The following CHD1L variants were observed in gnomAD, a reference collection of about 807,000 sequenced individuals.
CHD1L encodes chromodomain helicase DNA binding protein 1 like.
Under a neutral mutation model 115.9 loss-of-function variants are expected in CHD1L, and 118 were observed. That is an observed-to-expected ratio of 1.02 (90% confidence interval 0.88 to 1.19). CHD1L has a LOEUF of 1.19. Ranked by LOEUF, CHD1L falls within the 50% of genes most tolerant of loss-of-function variation. CHD1L has a pLI of 0.00. For missense variants in CHD1L, 1,179 were observed against 1,065.3 expected, an observed-to-expected ratio of 1.11 and a Z score of -1.49; for synonymous variants, 411 against 387.1, an observed-to-expected ratio of 1.06 and a Z score of -0.72.
chr1:147,223,805 C>A, the CHD1L span: 1 of 274,798 alleles, frequency 3.6e-6, no homozygotes, highest in Non-Finnish European at 7.1e-6. Flanking sequence ...ACCAGTTCAC[C>A]CAGGCTTCGC....
At chr1:147,208,213 G>C in the CHD1L span, among the ~76,000 whole-genome samples, 4 of 152,056 alleles carry the variant, frequency 2.6e-5, no homozygotes, top group Admixed American at 2.6e-4. Flanking sequence ...TATGATGCCT[G>C]GCTCATAACA....
chr1:147,196,335 T>C, the CHD1L span, among the ~76,000 whole-genome samples: 1 of 152,132 alleles, frequency 6.6e-6, no homozygotes, highest in Non-Finnish European at 1.5e-5. Flanking sequence ...CATTTAAGCT[T>C]AATCATAGGT....
the CHD1L span, chr1:147,225,668 AG>A: frequency 6.5e-6 from 1 of 152,936 alleles, no homozygotes; most frequent in Non-Finnish European, 1.5e-5. Flanking sequence ...TTCCTAGTGA[AG>A]GGAAAACTGT....
the CHD1L span, among the ~76,000 whole-genome samples, chr1:147,233,309 C>A: frequency 6.6e-6 from 1 of 152,002 alleles, no homozygotes; most frequent in African/African-American, 2.4e-5. Context: ...CCAGCAGCCA[C>A]CCCATCCAGG....
chr1:147,295,400 G>A (rs781812065), intron 22 of CHD1L, 31 bp from the exon 23 acceptor site: 6 of 1,474,728 alleles, frequency 4.1e-6, no homozygotes, highest in South Asian at 2.3e-5. Flanking sequence ...TTAAAGTGAT[G>A]ACATGTATCT....
At chr1:147,254,742 C>T (rs757766872) in intron 2 of CHD1L, 128 bp from the exon 3 acceptor site, 23 of 555,396 alleles carry the variant, frequency 4.1e-5, no homozygotes, top group Non-Finnish European at 6.5e-5. Flanking sequence ...TGCGGAAGTT[C>T]GTACAATATT....
chr1:147,209,346 G>A, the CHD1L span, among the ~76,000 whole-genome samples: 1 of 148,654 alleles, frequency 6.7e-6, no homozygotes, highest in Non-Finnish European at 1.5e-5. Flanking sequence ...GCTGAGGCAG[G>A]AGAATGGCGT....
rs375685901 is a variant in CHD1L, at chr1:147,280,062, C to A, written c.1576C>A (p.Leu526Met). The change falls in exon 15 of 23, where the codon CTG (leucine) becomes ATG (methionine). Residue 526 changes from leucine to methionine, a missense_variant. Transcript: ENST00000369258. The part of the protein sequence containing the change: ...EILKFGLDKL[L>M]ASEGSTMDEI... ...ACTCAAATTTGGTTTGGATAAACTGCTGGCCTCTGAGGGGAGCACCATGGA... is the reference window on the plus strand; with the variant it reads ...ACTCAAATTTGGTTTGGATAAACTGATGGCCTCTGAGGGGAGCACCATGGA... 6.2e-7 allele frequency: 1 copy of A among 1,614,044 alleles called. No homozygotes were observed. Among genetic ancestry groups the A allele is most frequent in the Non-Finnish European group, 8.5e-7 (1 of 1,180,000 alleles).
chr1:147,275,330 C>T (rs375472331), intron 12 of CHD1L, 24 bp from the exon 13 acceptor site: 146 of 1,555,474 alleles, frequency 9.4e-5, no homozygotes, highest in Non-Finnish European at 1.3e-4. Context: ...CTGCTGATTA[C>T]ATTCCTTTTT....
chr1:147,200,572 A>C, the CHD1L span, among the ~76,000 whole-genome samples: 7 of 131,402 alleles, frequency 5.3e-5, no homozygotes, highest in East Asian at 1.4e-3. Context: ...CATTCTACTG[A>C]CTCATATGAA....
chr1:147,292,301 G>C (rs1439345314), intron 20 of CHD1L, among the ~76,000 whole-genome samples: 7 of 152,198 alleles, frequency 4.6e-5, no homozygotes, highest in Non-Finnish European at 8.8e-5. Flanking sequence ...TAATAAAGCA[G>C]GAGAGAGGAA....
intron 5 of CHD1L, among the ~76,000 whole-genome samples, chr1:147,256,916 T>TA (rs1481387903): frequency 1.3e-5 from 2 of 152,276 alleles, no homozygotes; most frequent in Non-Finnish European, 2.9e-5. Flanking sequence ...CCCCTTTCAG[T>TA]ACTACCATTT....
At chr1:147,269,620 G>T (rs886613171) in intron 10 of CHD1L, among the ~76,000 whole-genome samples, 17 of 128,624 alleles carry the variant, frequency 1.3e-4, no homozygotes, top group African/African-American at 4.8e-4. Flanking sequence ...AGTGAGCCAA[G>T]ATCATGCCAC....
the CHD1L span, among the ~76,000 whole-genome samples, chr1:147,227,666 C>G: frequency 2.0e-5 from 3 of 152,196 alleles, no homozygotes; most frequent in South Asian, 4.1e-4. Flanking sequence ...TATTACTAGA[C>G]AGCAATATTA....
In CHD1L at chr1:147,255,885, G is replaced by A; in HGVS notation, c.420G>A (p.Leu140=). Residue 140 remains leucine, a synonymous_variant, in exon 4 of 23, where the codon CTG becomes CTA. Transcript: ENST00000369258. ...KEERACLQQD[L]KQESRFHVLL... is the part of the protein sequence containing the mutation. ...AAAGAGCCTGCCTTCAGCAAGACCT[G>A]AAACAGGAGTCACGTTTTCATGTGC... is the stretch of plus-strand genomic sequence containing the variant. 1 of 1,613,888 alleles carries A rather than the reference G, an allele frequency of 6.2e-7. No homozygotes were observed. Among genetic ancestry groups the A allele is most frequent in the Non-Finnish European group, 8.5e-7 (1 of 1,179,830 alleles).
intron 21 of CHD1L, 118 bp downstream of exon 21, chr1:147,293,840 C>A: frequency 1.3e-6 from 1 of 765,420 alleles, no homozygotes; most frequent in Non-Finnish European, 2.2e-6. Context: ...TAAAGGCAAA[C>A]CACAGAAGTG....
At chr1:147,270,037 C>G (rs1553951692) in intron 10 of CHD1L, among the ~76,000 whole-genome samples, 1 of 152,028 alleles carries the variant, frequency 6.6e-6, no homozygotes, top group Non-Finnish European at 1.5e-5. Context: ...TATGACTTGC[C>G]CAAGGTCACA....
the CHD1L span, among the ~76,000 whole-genome samples, chr1:147,230,131 A>G: frequency 1.1e-5 from 1 of 93,276 alleles, no homozygotes; most frequent in African/African-American, 7.0e-5. Context: ...ATTCAGTGCG[A>G]TATTGGCTGT....
the CHD1L span, among the ~76,000 whole-genome samples, chr1:147,182,756 C>T: frequency 6.6e-6 from 1 of 152,148 alleles, no homozygotes; most frequent in Non-Finnish European, 1.5e-5. Context: ...GGCAGAACAG[C>T]AGTGAAATGA....
Sources: allele counts gnomAD v4.1 joint callset (sites outside exome capture counted in the v4.1 genomes callset), GRCh38; gene constraint gnomAD v4.1.1; transcripts MANE v1.5; gene names NCBI Gene and HGNC (gene_info 2026-07-23, HGNC 2026-07-21).